ERBB4: variants seen among roughly 807,000 people sequenced by gnomAD.
The protein encoded by ERBB4 is erb-b2 receptor tyrosine kinase 4.
A neutral mutation model predicts 158.0 loss-of-function variants in ERBB4; 42 were observed. The observed-to-expected ratio is 0.27, with a 90% CI of 0.21 to 0.34. The LOEUF (loss-of-function observed/expected upper bound fraction) is 0.34. Ranked by LOEUF, ERBB4 falls within the 10% of genes least tolerant of loss-of-function variation. ERBB4 has a pLI of 1.00. For missense variants in ERBB4, 1,333 were observed against 1,624.1 expected (o/e 0.82, Z 3.08); for synonymous variants, 583 against 558.7 (o/e 1.04, Z -0.61).
At chr2:212,175,321 A>G (rs951953309) in intron 1 of ERBB4, among the ~76,000 whole-genome samples, 2 of 151,944 alleles carry the variant, frequency 1.3e-5, no homozygotes, top group African/African-American at 4.8e-5. Context: ...ACTATACAAT[A>G]CCAAAGGCTT....
At chr2:212,247,678 A>G (rs1364188382) in intron 1 of ERBB4, among the ~76,000 whole-genome samples, 3 of 152,188 alleles carry the variant, frequency 2.0e-5, no homozygotes, top group African/African-American at 7.2e-5. Flanking sequence ...ATAATGGTGT[A>G]TTAGGCCGGG....
At chr2:211,888,510 A>C (rs1203038834) in intron 3 of ERBB4, among the ~76,000 whole-genome samples, 1 of 152,204 alleles carries the variant, frequency 6.6e-6, no homozygotes, top group Non-Finnish European at 1.5e-5. Context: ...TGTTTCACTT[A>C]TGCAGGTAAA....
At chr2:212,008,550 A>C (rs1403975766) in intron 2 of ERBB4, among the ~76,000 whole-genome samples, 1 of 152,118 alleles carries the variant, frequency 6.6e-6, no homozygotes, top group Non-Finnish European at 1.5e-5. Context: ...ACATTCAGTC[A>C]TTGTATTTAG....
chr2:211,388,880 A>G (rs935329265), intron 25 of ERBB4, among the ~76,000 whole-genome samples: 1 of 152,160 alleles, frequency 6.6e-6, no homozygotes, highest in East Asian at 1.9e-4. Flanking sequence ...TTGAGAACCT[A>G]CTGTCTATGT....
chr2:212,452,784 T>C (rs1169140282), intron 1 of ERBB4, among the ~76,000 whole-genome samples: 1 of 152,130 alleles, frequency 6.6e-6, no homozygotes, highest in Non-Finnish European at 1.5e-5. Context: ...TCCACAGTGC[T>C]TATCTACATA....
chr2:211,402,427 T>C (rs1036903427), intron 25 of ERBB4, among the ~76,000 whole-genome samples: 1 of 152,054 alleles, frequency 6.6e-6, no homozygotes, highest in Non-Finnish European at 1.5e-5. Flanking sequence ...TACTGAAAAG[T>C]GACCAAAAGC....
intron 2 of ERBB4, among the ~76,000 whole-genome samples, chr2:212,079,124 T>A (rs200567076): frequency 6.6e-6 from 1 of 151,116 alleles, no homozygotes; most frequent in Admixed American, 6.6e-5. Flanking sequence ...AAAATAAAAA[T>A]TTTTATATAT....
chr2:212,121,401 C>T (rs1260606194), intron 2 of ERBB4, among the ~76,000 whole-genome samples: 7 of 152,044 alleles, frequency 4.6e-5, no homozygotes, highest in African/African-American at 1.2e-4. Flanking sequence ...TTAGTCGAGA[C>T]GAGGTTTCAC....
chr2:211,888,971 G>C (rs912901633), intron 3 of ERBB4, among the ~76,000 whole-genome samples: 3 of 149,524 alleles, frequency 2.0e-5, no homozygotes, highest in Non-Finnish European at 4.4e-5. Context: ...GAGGCTGGGG[G>C]AGGGGCGCCC....
At chr2:212,524,594 G>A (rs748591901) in intron 1 of ERBB4, among the ~76,000 whole-genome samples, 26 of 151,940 alleles carry the variant, frequency 1.7e-4, no homozygotes, top group Non-Finnish European at 3.1e-4. Context: ...TAAATTACAT[G>A]GGTGATTTTC....
chr2:211,950,478 C>T (rs943993965), intron 2 of ERBB4, among the ~76,000 whole-genome samples: 15 of 152,142 alleles, frequency 9.9e-5, no homozygotes, highest in African/African-American at 3.6e-4. Context: ...ATATATCTGT[C>T]AAAATGGGAA....
intron 19 of ERBB4, among the ~76,000 whole-genome samples, chr2:211,579,172 T>C (rs973578087): frequency 3.9e-5 from 6 of 152,050 alleles, no homozygotes; most frequent in African/African-American, 7.3e-5. Context: ...ATATAAGACA[T>C]TCATGTGGCC....
intron 20 of ERBB4, among the ~76,000 whole-genome samples, chr2:211,483,972 TG>T (rs1396178529): frequency 6.6e-6 from 1 of 152,218 alleles, no homozygotes; most frequent in Non-Finnish European, 1.5e-5. Context: ...GGAGAAAGTC[TG>T]TCTAAAACAA....
chr2:211,841,803 T>C (rs2077475962), intron 3 of ERBB4, among the ~76,000 whole-genome samples: 1 of 152,036 alleles, frequency 6.6e-6, no homozygotes, highest in African/African-American at 2.4e-5. Flanking sequence ...TGTATTTGAC[T>C]TGATTGGAAT....
chr2:211,883,860 T>A (rs1353090985), intron 3 of ERBB4, among the ~76,000 whole-genome samples: 1 of 152,212 alleles, frequency 6.6e-6, no homozygotes, highest in African/African-American at 2.4e-5. Context: ...ATAATTTCTT[T>A]GTGCCTTGTA....
At chr2:211,593,831 C>T (rs1050299088) in intron 19 of ERBB4, among the ~76,000 whole-genome samples, 1 of 152,174 alleles carries the variant, frequency 6.6e-6, no homozygotes, top group African/African-American at 2.4e-5. Context: ...GAGATTTCTT[C>T]AGCTGCAAAG....
intron 2 of ERBB4, among the ~76,000 whole-genome samples, chr2:212,063,694 C>T (rs956055004): frequency 1.1e-4 from 17 of 151,976 alleles, no homozygotes; most frequent in African/African-American, 4.1e-4. Flanking sequence ...TAAAACAAAA[C>T]CTAATAAAAT....
At chr2:211,877,347 T>G (rs978351883) in intron 3 of ERBB4, among the ~76,000 whole-genome samples, 18 of 147,654 alleles carry the variant, frequency 1.2e-4, no homozygotes, top group African/African-American at 4.4e-4. Flanking sequence ...ACCTCCAGAT[T>G]ATGCTTTTTT....
intron 16 of ERBB4, among the ~76,000 whole-genome samples, chr2:211,654,362 T>C (rs2071129488): frequency 1.3e-5 from 2 of 152,252 alleles, no homozygotes; most frequent in Non-Finnish European, 1.5e-5. Context: ...TATATTTAAG[T>C]TCTAAATAGG....
Sources: allele counts gnomAD v4.1 joint callset (sites outside exome capture counted in the v4.1 genomes callset), GRCh38; gene constraint gnomAD v4.1.1; transcripts MANE v1.5; gene names NCBI Gene and HGNC (gene_info 2026-07-23, HGNC 2026-07-21).